The following PTPRD variants were observed in gnomAD, a reference collection of about 807,000 sequenced individuals.
The protein encoded by PTPRD is protein tyrosine phosphatase receptor type D.
PTPRD carries 34 observed loss-of-function variants against 214.5 expected under a neutral mutation model. The observed-to-expected ratio is 0.16, with a 90% CI of 0.12 to 0.21. The LOEUF is 0.21. Ranked by LOEUF, PTPRD falls within the 10% of genes least tolerant of loss-of-function variation. The probability of loss-of-function intolerance (pLI) is 1.00; values close to 1 mark genes in which losing one functional copy is unlikely to be tolerated. For missense variants in PTPRD, 2,545 were observed against 2,398.7 expected (o/e 1.06, Z -1.27); for synonymous variants, 1,128 against 845.7 (o/e 1.33, Z -5.79).
chr9:8,871,658 G>C (rs998180857), intron 11 of PTPRD, among the ~76,000 whole-genome samples: 8 of 152,058 alleles, frequency 5.3e-5, no homozygotes, highest in African/African-American at 1.4e-4. Context: ...CATGATCATA[G>C]CAGTGGGAGC....
At chr9:9,745,578 C>T (rs1380484608) in intron 6 of PTPRD, among the ~76,000 whole-genome samples, 1 of 151,978 alleles carries the variant, frequency 6.6e-6, no homozygotes, top group Non-Finnish European at 1.5e-5. Flanking sequence ...TATTGCAATT[C>T]CTCAAAAAAA....
At chr9:10,150,882 T>C (rs950448693) in intron 3 of PTPRD, among the ~76,000 whole-genome samples, 1 of 151,998 alleles carries the variant, frequency 6.6e-6, no homozygotes, top group African/African-American at 2.4e-5. Flanking sequence ...AATTTTATAG[T>C]ATCCCCAAAT....
chr9:9,796,341 A>T lies in PTPRD; in HGVS notation c.-367-29490T>A, dbSNP rs558674361. Among the ~76,000 whole-genome samples, 8 of 152,250 alleles carry T rather than the reference A, an allele frequency of 5.3e-5. No homozygotes were observed. In the South Asian group the frequency reaches 1.7e-3, roughly 32 times the overall value. ...ATGGATAGAGTACTGAAAAGGATTC[A>T]AGGTTTGCATAGAAGACAGCTCAAT... On this transcript the variant is annotated intron_variant, in intron 5 of 45. Coordinates refer to ENST00000381196, the MANE Select transcript of PTPRD (RefSeq NM_002839.4).
intron 12 of PTPRD, among the ~76,000 whole-genome samples, chr9:8,646,023 C>T (rs564999147): frequency 6.6e-6 from 1 of 151,452 alleles, no homozygotes; most frequent in African/African-American, 2.4e-5. Context: ...ATGGTTCACT[C>T]CTAAACTGGA....
chr9:10,610,342 A>G lies in PTPRD; in HGVS notation c.-600+2056T>C, dbSNP rs1028824740. On this transcript the variant is annotated intron_variant, in intron 2 of 45. Transcript: ENST00000381196. Reference sequence around the variant, plus strand: ...TGTATGTCAGGTTAGTTTTAATGTTACTTACAAATATTTGCTTTCAGAAAT... The same window carrying G: ...TGTATGTCAGGTTAGTTTTAATGTTGCTTACAAATATTTGCTTTCAGAAAT... 2.0e-5 allele frequency among the ~76,000 whole-genome samples: 3 copies of G among 152,182 alleles called. No homozygotes were observed. The East Asian group carries it at 5.8e-4, about 29-fold the overall frequency.
chr9:8,823,986 C>A (rs1443388456), intron 11 of PTPRD, among the ~76,000 whole-genome samples: 1 of 152,146 alleles, frequency 6.6e-6, no homozygotes, highest in Non-Finnish European at 1.5e-5. Flanking sequence ...TATAGGGTAA[C>A]TTCCTGATGT....
chr9:9,435,265 C>G (rs868081421), intron 8 of PTPRD, among the ~76,000 whole-genome samples: 1 of 152,182 alleles, frequency 6.6e-6, no homozygotes, highest in East Asian at 1.9e-4. Context: ...AATCTCAGCA[C>G]TTTGGGAAGC....
chr9:10,544,438 T>C (rs1199288134), intron 2 of PTPRD, among the ~76,000 whole-genome samples: 1 of 152,176 alleles, frequency 6.6e-6, no homozygotes, highest in African/African-American at 2.4e-5. Flanking sequence ...TTCTTTTCAT[T>C]GTTGCTTTTT....
In PTPRD at chr9:8,646,719, G is replaced by A. The variant is rs538635611; in HGVS notation, c.65-9875C>T. Among the ~76,000 whole-genome samples the A allele has an allele frequency of 2.1e-4, 32 of 152,166 alleles. No homozygotes were observed. The South Asian group carries it at 5.0e-3, about 24-fold the overall frequency. On this transcript the variant is annotated intron_variant, in intron 12 of 45. Coordinates refer to ENST00000381196, the MANE Select transcript of PTPRD (RefSeq NM_002839.4). ...TCACAATAGTCTATATTTCATTATA[G>A]TTATTTTAAGCACATGTGTTTTCTC...
intron 8 of PTPRD, among the ~76,000 whole-genome samples, chr9:9,494,168 A>G (rs1186983466): frequency 6.6e-6 from 1 of 152,194 alleles, no homozygotes; most frequent in Non-Finnish European, 1.5e-5. Context: ...TGCTTCTTAT[A>G]AGTGAGCAAA....
At chr9:9,136,493 C>A (rs2099851089) in intron 10 of PTPRD, among the ~76,000 whole-genome samples, 1 of 151,960 alleles carries the variant, frequency 6.6e-6, no homozygotes, top group Non-Finnish European at 1.5e-5. Context: ...TAATGGAACA[C>A]CTCAAATATA....
chr9:10,565,612 C>A (rs2065354783), intron 2 of PTPRD, among the ~76,000 whole-genome samples: 1 of 152,000 alleles, frequency 6.6e-6, no homozygotes, highest in Admixed American at 6.6e-5. Flanking sequence ...CAAACACACC[C>A]CTTTGGATAA....
chr9:9,659,679 C>A (rs1041856805), intron 7 of PTPRD, among the ~76,000 whole-genome samples: 1 of 151,936 alleles, frequency 6.6e-6, no homozygotes, highest in Non-Finnish European at 1.5e-5. Context: ...ATAAATAGTA[C>A]AATAAAAAGT....
chr9:10,427,376 T>C (rs587752), intron 2 of PTPRD, among the ~76,000 whole-genome samples: 10,473 of 152,140 alleles, frequency 0.069, 1,226 homozygotes, highest in African/African-American at 0.23. Flanking sequence ...TAATTCCTTT[T>C]AGAAACTTAA....
At chr9:10,596,448 G>T (rs1435808048) in intron 2 of PTPRD, among the ~76,000 whole-genome samples, 1 of 151,452 alleles carries the variant, frequency 6.6e-6, no homozygotes, top group Non-Finnish European at 1.5e-5. Flanking sequence ...AATTATGAAG[G>T]TATATTTTGT....
At position 10,454,289 on chromosome 9, in the gene PTPRD, C is replaced by A. The variant is rs1034529259; in HGVS notation, c.-599-113272G>T. ...TGTTCCCAATACTAGATATAACTAC[C>A]CTTCTCTATTCCTCACCTAAATCCT... On this transcript the variant is annotated intron_variant, in intron 2 of 45. Transcript: ENST00000381196. 5.3e-4 allele frequency among the ~76,000 whole-genome samples: 80 copies of A among 151,460 alleles called. 1 individual carries two copies. Among genetic ancestry groups the A allele is most frequent in the Non-Finnish European group, 1.1e-3 (73 of 67,574 alleles).
chr9:8,705,467 T>G (rs1324853701), intron 12 of PTPRD, among the ~76,000 whole-genome samples: 1 of 152,220 alleles, frequency 6.6e-6, no homozygotes, highest in African/African-American at 2.4e-5. Context: ...AGAAACAAAT[T>G]CCCAGAAGTT....
chr9:8,549,802 C>T (rs1224140091), intron 14 of PTPRD, among the ~76,000 whole-genome samples: 2 of 152,196 alleles, frequency 1.3e-5, no homozygotes, highest in East Asian at 3.9e-4. Flanking sequence ...GGATATTGAG[C>T]CAATTTTTTA....
At chr9:10,539,084 C>T (rs1489759777) in intron 2 of PTPRD, among the ~76,000 whole-genome samples, 1 of 152,200 alleles carries the variant, frequency 6.6e-6, no homozygotes, top group Non-Finnish European at 1.5e-5. Flanking sequence ...TGAAAATACC[C>T]CTTTCTCTCC....
Sources: gnomAD v4.1 joint callset for allele counts (sites outside exome capture counted in the v4.1 genomes callset) on GRCh38, gnomAD v4.1.1 for gene constraint, MANE v1.5 for transcripts, NCBI Gene and HGNC (gene_info 2026-07-23, HGNC 2026-07-21) for gene names.